The following LRRC7 variants were observed in gnomAD, a reference collection of about 807,000 sequenced individuals.
The protein encoded by LRRC7 is leucine-rich repeat-containing protein 7.
LRRC7 carries 23 observed loss-of-function variants against 175.7 expected under a neutral mutation model. That is an observed-to-expected ratio of 0.13 (90% CI 0.09 to 0.19). The LOEUF is 0.19. Ranked by LOEUF, LRRC7 falls within the 10% of genes least tolerant of loss-of-function variation. LRRC7 has a pLI of 1.00. For synonymous variants in LRRC7, 685 were observed against 680.9 expected (o/e 1.01, Z -0.09); for missense variants, 1,354 against 1,904.7 (o/e 0.71, Z 5.38).
At chr1:69,771,816 G>A (rs980414781) in intron 3 of LRRC7, among the ~76,000 whole-genome samples, 2 of 152,156 alleles carry the variant, frequency 1.3e-5, no homozygotes, top group Admixed American at 6.5e-5. Context: ...GATGGCAAAC[G>A]CCATTATGAA....
chr1:69,991,713 A>G, intron 10 of LRRC7, among the ~76,000 whole-genome samples: 1 of 152,194 alleles, frequency 6.6e-6, no homozygotes, highest in South Asian at 2.1e-4. Context: ...AAGAATCTTC[A>G]TAGTATTAAT....
chr1:69,675,939 G>A (rs1659701402), intron 1 of LRRC7, among the ~76,000 whole-genome samples: 1 of 151,088 alleles, frequency 6.6e-6, no homozygotes, highest in African/African-American at 2.4e-5. Context: ...TAAGATTCAA[G>A]TTATCACTGC....
intron 23 of LRRC7, among the ~76,000 whole-genome samples, chr1:70,060,025 T>C (rs934804217): frequency 2.6e-5 from 4 of 152,070 alleles, no homozygotes; most frequent in African/African-American, 9.7e-5. Flanking sequence ...AAATAGATAA[T>C]TATGTCCAGT....
chr1:69,717,808 AAGAAAG>A (rs1665612550), intron 2 of LRRC7, among the ~76,000 whole-genome samples: 1 of 46,940 alleles, frequency 2.1e-5, no homozygotes, highest in Non-Finnish European at 3.9e-5. Flanking sequence ...GAAAGAAAGA[AAGAAAG>A]AAAGAAAGAA....
intron 10 of LRRC7, among the ~76,000 whole-genome samples, chr1:69,988,753 A>G (rs1281996134): frequency 2.0e-5 from 3 of 152,214 alleles, no homozygotes; most frequent in African/African-American, 7.2e-5. Flanking sequence ...CTGAATCTGC[A>G]GTATCCACAA....
chr1:70,024,479 G>A (rs984227171), intron 17 of LRRC7, among the ~76,000 whole-genome samples: 6 of 151,654 alleles, frequency 4.0e-5, no homozygotes, highest in Non-Finnish European at 7.4e-5. Flanking sequence ...AGAATGTTGC[G>A]AAACATTTCT....
At chr1:69,571,330 CAATTA>C (rs1645731866) in intron 1 of LRRC7, among the ~76,000 whole-genome samples, 1 of 152,270 alleles carries the variant, frequency 6.6e-6, no homozygotes, top group Middle Eastern at 3.4e-3. Flanking sequence ...AACATTTTCC[CAATTA>C]AATTCTTATT....
At chr1:69,938,630 C>T (rs1343474336) in intron 8 of LRRC7, among the ~76,000 whole-genome samples, 1 of 151,896 alleles carries the variant, frequency 6.6e-6, no homozygotes, top group Non-Finnish European at 1.5e-5. Context: ...TTCATTATAA[C>T]TAAAATTGAC....
At chr1:70,082,041 T>C (rs1663247510) in intron 24 of LRRC7, among the ~76,000 whole-genome samples, 1 of 152,206 alleles carries the variant, frequency 6.6e-6, no homozygotes, top group African/African-American at 2.4e-5. Context: ...CTTAATATTA[T>C]GTGGAATACA....
intron 2 of LRRC7, among the ~76,000 whole-genome samples, chr1:69,739,868 TAAAC>T (rs2100850617): frequency 6.6e-6 from 1 of 152,242 alleles, no homozygotes; most frequent in East Asian, 1.9e-4. Flanking sequence ...TTTATGCTGT[TAAAC>T]AAAGAATTAT....
chr1:70,097,222 T>C (rs375592839), intron 25 of LRRC7, among the ~76,000 whole-genome samples: 15 of 152,288 alleles, frequency 9.8e-5, no homozygotes, highest in African/African-American at 3.4e-4. Flanking sequence ...ATATCAAGAA[T>C]TCACAACTGT....
chr1:69,964,095 A>G lies in LRRC7; in HGVS notation c.712-16284A>G, dbSNP rs545721032. ...TTTACTTTTGAACCTTACTCATCAT[A>G]TTTTACAAAACAAAGATCAGGCTCT... On this transcript the variant is annotated intron_variant, in intron 8 of 26. Transcript: ENST00000651989. Among the ~76,000 whole-genome samples, 44 of 152,250 alleles carry G rather than the reference A, an allele frequency of 2.9e-4. No homozygotes were observed. In the South Asian group the frequency reaches 8.7e-3, roughly 30 times the overall value.
At chr1:69,875,925 T>A (rs1686004328) in intron 7 of LRRC7, among the ~76,000 whole-genome samples, 1 of 152,084 alleles carries the variant, frequency 6.6e-6, no homozygotes, top group Non-Finnish European at 1.5e-5. Flanking sequence ...GGCAGTACAG[T>A]ATGTGGCTAC....
intron 2 of LRRC7, among the ~76,000 whole-genome samples, chr1:69,742,326 G>A (rs1668802310): frequency 6.6e-6 from 1 of 151,898 alleles, no homozygotes; most frequent in Admixed American, 6.6e-5. Context: ...TCTTAATATA[G>A]TTATAATCAT....
chr1:69,679,293 T>C (rs1660181683), intron 2 of LRRC7, among the ~76,000 whole-genome samples: 1 of 152,116 alleles, frequency 6.6e-6, no homozygotes, highest in Admixed American at 6.6e-5. Flanking sequence ...ACTTACATTT[T>C]ACAAGGATAA....
chr1:69,959,751 A>C (rs1263082676), intron 8 of LRRC7, among the ~76,000 whole-genome samples: 1 of 152,032 alleles, frequency 6.6e-6, no homozygotes, highest in Non-Finnish European at 1.5e-5. Context: ...AAGGAAGGAT[A>C]CCTAACCCAA....
At chr1:70,023,083 T>G (rs1293598070) in intron 16 of LRRC7, 43 bp from the exon 17 acceptor site, 19 of 1,402,030 alleles carry the variant, frequency 1.4e-5, no homozygotes, top group Non-Finnish European at 1.8e-5. Flanking sequence ...ATTGCTACAG[T>G]GCTCCTCTTT....
intron 8 of LRRC7, among the ~76,000 whole-genome samples, chr1:69,935,064 T>C (rs1293855550): frequency 6.6e-6 from 1 of 152,108 alleles, no homozygotes; most frequent in Non-Finnish European, 1.5e-5. Flanking sequence ...AAGTAGTCTA[T>C]ATGTGGTTTA....
chr1:69,802,082 A>G (rs1488614563), intron 4 of LRRC7, among the ~76,000 whole-genome samples: 2 of 151,342 alleles, frequency 1.3e-5, no homozygotes, highest in Admixed American at 1.3e-4. Context: ...CTGAGAATAT[A>G]CTTAATATGA....
Sources: gnomAD v4.1 joint callset for allele counts (sites outside exome capture counted in the v4.1 genomes callset) on GRCh38, gnomAD v4.1.1 for gene constraint, MANE v1.5 for transcripts, NCBI Gene and HGNC (gene_info 2026-07-23, HGNC 2026-07-21) for gene names.